The following RADIL variants were observed in gnomAD, a reference collection of about 807,000 sequenced individuals.
RADIL encodes Rap associating with DIL domain.
RADIL carries 99 observed loss-of-function variants against 97.6 expected under a neutral mutation model. The observed-to-expected ratio is 1.01, with a 90% CI of 0.86 to 1.20. The LOEUF (loss-of-function observed/expected upper bound fraction) is 1.20. Ranked by LOEUF, RADIL falls within the 50% of genes most tolerant of loss-of-function variation. RADIL has a pLI of 0.00. For missense variants in RADIL, 1,765 were observed against 1,498.9 expected (o/e 1.18, Z -2.93); for synonymous variants, 803 against 691.8 (o/e 1.16, Z -2.52).
chr7:4,859,996 TG>T, intron 2 of RADIL: 1 of 1,614,012 alleles, frequency 6.2e-7, no homozygotes, highest in Non-Finnish European at 8.5e-7. Flanking sequence ...CCTTTGGTGA[TG>T]GAGAAATGGC....
chr7:4,802,558 C>A (rs1583257106), intron 11 of RADIL, among the ~76,000 whole-genome samples: 2 of 137,606 alleles, frequency 1.5e-5, no homozygotes, highest in South Asian at 4.8e-4. Context: ...GGCTGGACCC[C>A]CTCCCCGGGC....
rs773644625 is a variant in RADIL at position 4,832,128 on chromosome 7, G to A, written c.1454+13C>T. On this transcript the variant is annotated intron_variant, in intron 5 of 14. Transcript: ENST00000399583. ...CTGCCCAGAGGCGGGCACAATAACC[G>A]GGTCATACTCACAGTTGCGCCTGCT... The A allele has an allele frequency of 3.9e-5, 62 of 1,604,986 alleles. 2 individuals carry two copies. The South Asian group carries it at 5.8e-4, about 15-fold the overall frequency.
intron 11 of RADIL, among the ~76,000 whole-genome samples, chr7:4,802,608 A>T (rs1368995207): frequency 8.0e-6 from 1 of 125,246 alleles, no homozygotes; most frequent in African/African-American, 3.0e-5. Flanking sequence ...CTCCCCGGGT[A>T]CCTCGGGGCA....
Position 4,840,913 on chromosome 7 carries a change from C to A in RADIL, c.536-4308G>T, listed in dbSNP as rs894777763. The stretch of plus-strand genomic sequence containing the variant: ...ACCCAGGAGGTGGAGGTTGCAGTGA[C>A]CTGAGATCGCACCACTGCACTCCAG... On this transcript the variant is annotated intron_variant, in intron 2 of 14. Coordinates refer to ENST00000399583, the MANE Select transcript of RADIL (RefSeq NM_018059.5). This position sits in a 1 kb window ranked among gnomAD's most constrained non-coding sequence, Gnocchi z 5.6. 1.3e-5 allele frequency among the ~76,000 whole-genome samples: 2 copies of A among 152,076 alleles called. No individual in the cohort carries two copies. The highest frequency in any genetic ancestry group is 4.8e-5 in the African/African-American group (2 of 41,414).
intron 2 of RADIL, among the ~76,000 whole-genome samples, chr7:4,850,262 T>C (rs1368601580): frequency 7.6e-6 from 1 of 132,228 alleles, no homozygotes; most frequent in Non-Finnish European, 1.6e-5. Flanking sequence ...GAACCCTGTA[T>C]GTATGTATAT....
At chr7:4,844,289 C>T (rs961669441) in intron 2 of RADIL, among the ~76,000 whole-genome samples, 2 of 151,586 alleles carry the variant, frequency 1.3e-5, no homozygotes, top group African/African-American at 2.4e-5. Context: ...ACTAAAAATA[C>T]AAAAAATTAG....
At chr7:4,871,559 G>C (rs932686197) in intron 2 of RADIL, among the ~76,000 whole-genome samples, 1 of 152,208 alleles carries the variant, frequency 6.6e-6, no homozygotes, top group Admixed American at 6.5e-5. Flanking sequence ...CAGCTCCATC[G>C]CAGCACTGGG....
intron 5 of RADIL, among the ~76,000 whole-genome samples, chr7:4,831,725 C>CAAA (rs397890944): frequency 7.1e-6 from 1 of 141,620 alleles, no homozygotes; most frequent in Non-Finnish European, 1.6e-5. Context: ...ACTAAAAGTA[C>CAAA]AAAAAAAAAA....
Position 4,815,815 on chromosome 7 carries a change from G to A in RADIL, c.1967-365C>T, listed in dbSNP as rs1341746014. On this transcript the variant is annotated intron_variant, in intron 8 of 14. Coordinates refer to ENST00000399583, the MANE Select transcript of RADIL (RefSeq NM_018059.5). The surrounding 1 kb of genome is among the most constrained non-coding windows in gnomAD (Gnocchi z 8.0). ...CTGGCTGGGAGTGGCCAGTGCTCCT[G>A]AGCCCTGCAGGTGATGGGGGAAGTC... 6.6e-6 allele frequency among the ~76,000 whole-genome samples: 1 copy of A among 152,132 alleles called. No homozygotes were observed. Among genetic ancestry groups the A allele is most frequent in the African/African-American group, 2.4e-5 (1 of 41,428 alleles).
rs542071767 is a variant in RADIL, at chr7:4,883,137, C to G, written c.-65+459G>C. On this transcript the variant is annotated intron_variant, in intron 1 of 14. Transcript: ENST00000399583. This position sits in a 1 kb window ranked among gnomAD's most constrained non-coding sequence, Gnocchi z 7.1. ...GTATGTGCAGGGGACGTCTCGCCGG[C>G]CCAGGTGGGAGAGCGCGCGGAACCC... is the stretch of plus-strand genomic sequence containing the variant. Among the ~76,000 whole-genome samples the G allele has an allele frequency of 2.7e-5, 4 of 149,310 alleles. No individual in the cohort carries two copies. The South Asian group carries it at 8.3e-4, about 31-fold the overall frequency.
At chr7:4,860,796 T>C (rs1783969828) in intron 2 of RADIL, 1 of 1,614,166 alleles carries the variant, frequency 6.2e-7, no homozygotes, top group Non-Finnish European at 8.5e-7. Context: ...AACTCCTCAA[T>C]CATGACCATC....
At chr7:4,799,555 C>T (rs1256246772) in intron 14 of RADIL, 72 bp from the exon 15 acceptor site, 21 of 1,611,446 alleles carry the variant, frequency 1.3e-5, no homozygotes, top group Non-Finnish European at 1.8e-5. Flanking sequence ...AGCCGGGCCT[C>T]TCCTTTACCC....
rs1054048488 is a variant in RADIL at position 4,830,435 on chromosome 7, C to T, written c.1454+1706G>A. Among the ~76,000 whole-genome samples the T allele has an allele frequency of 1.1e-4, 17 of 152,186 alleles. No homozygotes were observed. In the East Asian group the frequency reaches 1.2e-3, roughly 10 times the overall value. ...TCTAGGGTAGAGATAGTGCTTTCTG[C>T]GCAAACAGCCGTTGGAGAGTGGCGG... On this transcript the variant is annotated intron_variant, in intron 5 of 14. Transcript: ENST00000399583.
In RADIL at chr7:4,878,093, T is replaced by C. The variant is rs780446680; in HGVS notation, c.47A>G (p.Lys16Arg). ...CAACAGCTGGCTCTGCCGCTTCAGT[T>C]TGCTCTTGGTGGGCGGGGACATGAT... ...HFIMSPPTKSKLKRQSQLLSS... is the reference protein window; with the variant it reads ...HFIMSPPTKSRLKRQSQLLSS... Residue 16 changes from lysine (K) to arginine (R), a missense_variant, in exon 2 of 15, where the codon AAA becomes AGA. Coordinates refer to ENST00000399583, the MANE Select transcript of RADIL (RefSeq NM_018059.5). The surrounding 1 kb of genome is among the most constrained non-coding windows in gnomAD (Gnocchi z 4.1). 5.7e-6 allele frequency: 9 copies of C among 1,590,766 alleles called. No homozygotes were observed. The South Asian group carries it at 1.0e-4, about 18-fold the overall frequency.
At position 4,835,371 on chromosome 7, in the gene RADIL, C is replaced by T; in HGVS notation, c.784-132G>A. On this transcript the variant is annotated intron_variant, in intron 3 of 14. Transcript: ENST00000399583. The surrounding 1 kb of genome is among the most constrained non-coding windows in gnomAD (Gnocchi z 5.8). ...GCCACGGGCTCTCCATGTCCCTGGC[C>T]ACCCCCACACCAGAACCCCGACGGC... 7 of 1,165,376 alleles carry T rather than the reference C, an allele frequency of 6.0e-6. No individual in the cohort carries two copies. The highest frequency in any genetic ancestry group is 7.2e-6 in the Non-Finnish European group (6 of 832,558). The allele number at this position is 1,165,376 out of a possible 1,614,324, so 72.2% of individuals were successfully genotyped here. A position where few individuals can be genotyped will look rare whatever the true frequency, so the allele number is the denominator to read the frequency against.
chr7:4,804,053 G>GC (rs1782209519), intron 10 of RADIL: 2 of 443,120 alleles, frequency 4.5e-6, no homozygotes, highest in East Asian at 9.0e-5. Context: ...GCCTGTCTCT[G>GC]CCCCACTGGT....
chr7:4,805,650 T>A lies in RADIL; in HGVS notation c.2206A>T (p.Thr736Ser), dbSNP rs751609200. Residue 736 changes from threonine (T) to serine (S), a missense_variant, in exon 10 of 15, where the codon ACT (threonine) becomes TCT (serine). Physicochemically the swap from Thr to Ser is moderately conservative, Grantham distance 58. Transcript: ENST00000399583. ...LSPAQLHRLLTHYQLASAMGP... is the reference protein window; with the variant it reads ...LSPAQLHRLLSHYQLASAMGP... The stretch of plus-strand genomic sequence containing the variant: ...ATGGCCGAGGCCAGCTGGTAGTGAG[T>A]CAGCAGCCGGTGCAGCTGTGCTGGG... 13 of 1,611,726 alleles carry A rather than the reference T, an allele frequency of 8.1e-6. 1 individual carries two copies. The South Asian group carries it at 1.2e-4, about 15-fold the overall frequency.
intron 5 of RADIL, among the ~76,000 whole-genome samples, chr7:4,829,335 G>C (rs1562440424): frequency 6.6e-6 from 1 of 152,172 alleles, no homozygotes; most frequent in Non-Finnish European, 1.5e-5. Flanking sequence ...GCATGGCATC[G>C]GGACCTGGCT....
intron 9 of RADIL, chr7:4,808,511 C>G (rs987628582): frequency 2.2e-6 from 2 of 922,456 alleles, no homozygotes; most frequent in Non-Finnish European, 2.6e-6. Context: ...ATGGTTTTCA[C>G]GTTTTTAAAG....
Sources: allele counts gnomAD v4.1 joint callset (sites outside exome capture counted in the v4.1 genomes callset), GRCh38; gene constraint gnomAD v4.1.1; non-coding constraint Gnocchi (gnomAD v3.1); transcripts MANE v1.5; gene names NCBI Gene and HGNC (gene_info 2026-07-23, HGNC 2026-07-21).